Variants in RANBP10 observed in about 807,000 individuals in gnomAD.
RANBP10 encodes ran-binding protein 10.
Under a neutral mutation model 72.8 loss-of-function variants are expected in RANBP10, and 24 were observed. The ratio of observed to expected loss-of-function variants is 0.33; its 90% CI spans 0.24 to 0.46. The LOEUF is 0.46. Among genes scored for constraint, RANBP10 ranks in the 20% least tolerant of loss-of-function variants. The pLI, the probability that RANBP10 is intolerant of heterozygous loss-of-function variation, is 1.00. For synonymous variants in RANBP10, 310 were observed against 322.3 expected, an observed-to-expected ratio of 0.96 and a Z score of 0.41; for missense variants, 679 against 817.5, an observed-to-expected ratio of 0.83 and a Z score of 2.07.
chr16:67,764,412 A>T (rs1333243073), intron 3 of RANBP10, among the ~76,000 whole-genome samples: 1 of 152,176 alleles, frequency 6.6e-6, no homozygotes, highest in African/African-American at 2.4e-5. Flanking sequence ...CAACACTGAG[A>T]CTCAGTATCT....
At chr16:67,796,180 C>T (rs111915401) in intron 2 of RANBP10, among the ~76,000 whole-genome samples, 11 of 152,046 alleles carry the variant, frequency 7.2e-5, no homozygotes, top group South Asian at 2.1e-4. Context: ...CCTCCCAAAG[C>T]GCTGGGATTA....
chr16:67,737,140 T>C (rs1473228013), intron 5 of RANBP10, among the ~76,000 whole-genome samples: 1 of 60,172 alleles, frequency 1.7e-5, no homozygotes, highest in African/African-American at 6.1e-5. Flanking sequence ...ACTCCATCCT[T>C]TTCTGTTTTT....
chr16:67,726,023 C>T lies in RANBP10; in HGVS notation c.*405G>A, dbSNP rs558544627. 5 of 163,054 alleles carry T rather than the reference C, an allele frequency of 3.1e-5. No homozygotes were observed. Among genetic ancestry groups the T allele is most frequent in the African/African-American group, 1.2e-4 (5 of 41,138 alleles). The allele number at this position is 163,054 out of a possible 1,614,324, so 10.1% of individuals were successfully genotyped here. A position where few individuals can be genotyped will look rare whatever the true frequency, so the allele number is the denominator to read the frequency against. On this transcript the variant is annotated 3_prime_UTR_variant, in exon 14 of 14. Coordinates refer to ENST00000317506, the MANE Select transcript of RANBP10 (RefSeq NM_020850.3). ...GTTTTTTACTTATGAAAATAATAAG[C>T]TATCACCAACTTGGATAGGCTTCAT...
chr16:67,727,449 G>A lies in RANBP10; in HGVS notation c.1621-11C>T, dbSNP rs772865118. 2.7e-5 allele frequency: 43 copies of A among 1,609,544 alleles called. No homozygotes were observed. The highest frequency in any genetic ancestry group is 3.6e-5 in the Non-Finnish European group (42 of 1,177,318). ...CAGGCTGAAGGCATCCTACAGGACA[G>A]GGCATTCTTGAGAGGACTGTGGCAC... On this transcript the variant is annotated splice_polypyrimidine_tract_variant and intron_variant, in intron 12 of 13. Transcript: ENST00000317506.
At position 67,806,501 on chromosome 16, in the gene RANBP10, G is replaced by C; in HGVS notation, c.36C>G (p.Asn12Lys). 6.5e-7 allele frequency: 1 copy of C among 1,530,946 alleles called. No individual in the cohort carries two copies. 94.8% of individuals were successfully genotyped at this position (1,530,946 alleles called of 1,614,324 possible). A position where few individuals can be genotyped will look rare whatever the true frequency, so the allele number is the denominator to read the frequency against. The change falls in exon 1 of 14, where the codon AAC (asparagine) becomes AAG (lysine). Residue 12 changes from asparagine (N) to lysine (K), a missense_variant. Transcript: ENST00000317506. ...CGCCGGAGGAGTCCCCAGGCTGCGG[G>C]TTCCCAGCTCCCGGGTCTGCCGTCG... is the stretch of plus-strand genomic sequence containing the variant. ...AAATADPGAG[N>K]PQPGDSSGGG... is the part of the protein sequence containing the mutation.
chr16:67,725,705 T>C lies in RANBP10; in HGVS notation c.*723A>G, dbSNP rs1346816423. 6.6e-6 allele frequency: 1 copy of C among 152,328 alleles called. No homozygotes were observed. Among genetic ancestry groups the C allele is most frequent in the Non-Finnish European group, 1.5e-5 (1 of 68,048 alleles). 9.4% of individuals were successfully genotyped at this position (152,328 alleles called of 1,614,324 possible). A position where few individuals can be genotyped will look rare whatever the true frequency, so the allele number is the denominator to read the frequency against. On this transcript the variant is annotated 3_prime_UTR_variant, in exon 14 of 14. Transcript: ENST00000317506. The stretch of plus-strand genomic sequence containing the variant: ...TGTCCAGCTCTCAGGGGCCTAGGGA[T>C]CTACAGTTCTTGGGATGCTATAAAC...
intron 2 of RANBP10, among the ~76,000 whole-genome samples, chr16:67,780,125 G>A (rs1056587821): frequency 1.3e-5 from 2 of 152,048 alleles, no homozygotes; most frequent in South Asian, 2.1e-4. Context: ...CCAGCTACTC[G>A]TGAGGCTGAG....
intron 2 of RANBP10, among the ~76,000 whole-genome samples, chr16:67,786,209 G>A (rs886237999): frequency 2.0e-5 from 3 of 151,808 alleles, no homozygotes; most frequent in Admixed American, 2.0e-4. Flanking sequence ...TGCACCTGTA[G>A]TCCCAGCTAC....
chr16:67,777,085 C>T (rs2054720164), intron 2 of RANBP10, among the ~76,000 whole-genome samples: 1 of 151,952 alleles, frequency 6.6e-6, no homozygotes, highest in South Asian at 2.1e-4. Flanking sequence ...TGGTGCATGC[C>T]TGTAATCCCA....
At chr16:67,801,467 C>A (rs2055234157) in intron 2 of RANBP10, among the ~76,000 whole-genome samples, 1 of 152,150 alleles carries the variant, frequency 6.6e-6, no homozygotes, top group Middle Eastern at 3.2e-3. Context: ...ACACCCTAAG[C>A]CCTGCAGCCA....
chr16:67,762,080 A>AC lies in RANBP10; in HGVS notation c.400+9953dup, dbSNP rs769191263. On this transcript the variant is annotated intron_variant, in intron 3 of 13. Transcript: ENST00000317506. ...AGATCAGCCTGGGCAACATAGCAAGACCCCATCTCTAAATAAAAAACAAAC... is the reference window on the plus strand; with the variant it reads ...AGATCAGCCTGGGCAACATAGCAAGACCCCCATCTCTAAATAAAAAACAAAC... 3.5e-4 allele frequency among the ~76,000 whole-genome samples: 53 copies of AC among 152,204 alleles called. 1 individual carries two copies. The highest frequency in any genetic ancestry group is 3.9e-4 in the East Asian group (2 of 5,172).
chr16:67,730,117 TGCC>T lies in RANBP10; in HGVS notation c.890-74_890-72del. 7.0e-7 allele frequency: 1 copy of T among 1,429,766 alleles called. No homozygotes were observed. Among genetic ancestry groups the T allele is most frequent in the Non-Finnish European group, 9.7e-7 (1 of 1,029,352 alleles). The allele number at this position is 1,429,766 out of a possible 1,614,324, so 88.6% of individuals were successfully genotyped here. On this transcript the variant is annotated intron_variant, in intron 7 of 13. Coordinates refer to ENST00000317506, the MANE Select transcript of RANBP10 (RefSeq NM_020850.3). This position sits in a 1 kb window ranked among gnomAD's most constrained non-coding sequence, Gnocchi z 4.3. ...TCCCACAGCCACACACCTGGGATGC[TGCC>T]AGCCTCAGGGTAGGGTCCGGCTCAG... is the stretch of plus-strand genomic sequence containing the variant.
rs536539836 is a variant in RANBP10, at chr16:67,725,265, G to A, written c.*1163C>T. On this transcript the variant is annotated 3_prime_UTR_variant, in exon 14 of 14. Coordinates refer to ENST00000317506, the MANE Select transcript of RANBP10 (RefSeq NM_020850.3). ...GACCAAGGATTCCATCCACTCCCTGGAGTAGCAGCCCAAGAACCTGCCTCC... is the reference window on the plus strand; with the variant it reads ...GACCAAGGATTCCATCCACTCCCTGAAGTAGCAGCCCAAGAACCTGCCTCC... 1 of 152,492 alleles carries A rather than the reference G, an allele frequency of 6.6e-6. No homozygotes were observed. Among genetic ancestry groups the A allele is most frequent in the Non-Finnish European group, 1.5e-5 (1 of 68,156 alleles). 9.4% of individuals were successfully genotyped at this position (152,492 alleles called of 1,614,324 possible). A position where few individuals can be genotyped will look rare whatever the true frequency, so the allele number is the denominator to read the frequency against.
chr16:67,785,731 CAAA>C (rs61683439), intron 2 of RANBP10, among the ~76,000 whole-genome samples: 1 of 71,760 alleles, frequency 1.4e-5, no homozygotes, highest in Admixed American at 1.5e-4. Flanking sequence ...GACTCCATCT[CAAA>C]AAAAAAAAAA....
intron 2 of RANBP10, among the ~76,000 whole-genome samples, chr16:67,787,145 G>A (rs556510745): frequency 4.6e-5 from 7 of 152,036 alleles, no homozygotes; most frequent in Non-Finnish European, 7.4e-5. Context: ...AGGCTGAGGT[G>A]GGAGAATCAC....
Position 67,805,508 on chromosome 16 carries a change from T to C in RANBP10, c.267A>G (p.Ser89=). The change falls in exon 2 of 14, where the codon TCA becomes TCG. Residue 89 remains serine, a synonymous_variant. Coordinates refer to ENST00000317506, the MANE Select transcript of RANBP10 (RefSeq NM_020850.3). ...CAGGTATGGGGTGGGTGGCACGCAC[T>C]GAGGCCGCATCTTTGTGATTTTTGC... ...GHGKNHKDAA[S]VRATHPIPAA... is the part of the protein sequence containing the mutation. The C allele has an allele frequency of 6.2e-7, 1 of 1,614,156 alleles. No individual in the cohort carries two copies.
At chr16:67,727,977 C>A in intron 11 of RANBP10, 81 bp from the exon 12 acceptor site, 1 of 1,502,474 alleles carries the variant, frequency 6.7e-7, no homozygotes. Flanking sequence ...GGAAGGACCC[C>A]GGGTGGGCTG....
At chr16:67,770,842 G>A (rs1278156289) in intron 3 of RANBP10, among the ~76,000 whole-genome samples, 1 of 152,214 alleles carries the variant, frequency 6.6e-6, no homozygotes, top group African/African-American at 2.4e-5. Context: ...AGGGGCTGAG[G>A]TGGGAGGAGA....
chr16:67,738,000 T>C lies in RANBP10; in HGVS notation c.591+13A>G. 2 of 1,585,174 alleles carry C rather than the reference T, an allele frequency of 1.3e-6. No individual in the cohort carries two copies. The highest frequency in any genetic ancestry group is 1.7e-6 in the Non-Finnish European group (2 of 1,164,270). ...AGAAACCCAGGAGGGGAAGACTCAA[T>C]AGTAGTACTCACCGGGAGGTCTGTG... On this transcript the variant is annotated intron_variant, in intron 5 of 13. Coordinates refer to ENST00000317506, the MANE Select transcript of RANBP10 (RefSeq NM_020850.3).
Sources: gnomAD v4.1 joint callset for allele counts (sites outside exome capture counted in the v4.1 genomes callset) on GRCh38, gnomAD v4.1.1 for gene constraint, Gnocchi (gnomAD v3.1) non-coding constraint, MANE v1.5 for transcripts, NCBI Gene and HGNC (gene_info 2026-07-23, HGNC 2026-07-21) for gene names.